PALM2AKAP2: variants seen among roughly 807,000 people sequenced by gnomAD.
The protein encoded by PALM2AKAP2 is PALM2-AKAP2 fusion protein.
A neutral mutation model predicts 71.5 loss-of-function variants in PALM2AKAP2; 37 were observed. The ratio of observed to expected loss-of-function variants is 0.52; its 90% confidence interval spans 0.40 to 0.68. The LOEUF (loss-of-function observed/expected upper bound fraction) is 0.68, where lower values mean the gene tolerates loss of function less well. Ranked by LOEUF, PALM2AKAP2 falls within the 30% of genes least tolerant of loss-of-function variation. The probability of loss-of-function intolerance (pLI) is 0.00; values close to 1 mark genes in which losing one functional copy is unlikely to be tolerated. For synonymous variants in PALM2AKAP2, 468 were observed against 478.8 expected, an observed-to-expected ratio of 0.98 and a Z score of 0.29; for missense variants, 1,224 against 1,191.8, an observed-to-expected ratio of 1.03 and a Z score of -0.40.
intron 1 of PALM2AKAP2, among the ~76,000 whole-genome samples, chr9:109,695,989 T>G (rs1209684019): frequency 1.3e-5 from 2 of 152,172 alleles, no homozygotes; most frequent in African/African-American, 4.8e-5. Context: ...ATTTATTGTA[T>G]ATTTCCAAAT....
chr9:110,128,461 T>G (rs779053770), intron 1 of PALM2AKAP2, among the ~76,000 whole-genome samples: 12 of 152,256 alleles, frequency 7.9e-5, no homozygotes, highest in South Asian at 2.1e-4. Flanking sequence ...CCTCTGTTCC[T>G]AGGCCAAGAG....
Position 110,094,931 on chromosome 9 carries a change from T to C in PALM2AKAP2, c.157-41196T>C, listed in dbSNP as rs138207526. ...AATTTTTACCTAAGTTATTGTCCAA[T>C]TTTACATTCTGAATGGTGAACTGGG... is the stretch of plus-strand genomic sequence containing the variant. On this transcript the variant is annotated intron_variant, in intron 1 of 3. Coordinates refer to ENST00000374525, the Ensembl canonical transcript of PALM2AKAP2. Among the ~76,000 whole-genome samples, 12 of 152,366 alleles carry C rather than the reference T, an allele frequency of 7.9e-5. No individual in the cohort carries two copies. The East Asian group carries it at 2.3e-3, about 29-fold the overall frequency.
chr9:110,113,486 T>A (rs1226323091), intron 1 of PALM2AKAP2, among the ~76,000 whole-genome samples: 4 of 151,706 alleles, frequency 2.6e-5, no homozygotes, highest in Non-Finnish European at 5.9e-5. Context: ...GACCTTGTGA[T>A]CTGCCCAACT....
rs187192083 is a variant in PALM2AKAP2, at chr9:109,735,523, G to A, written c.6-44965G>A. ...CAGTAACTTTAATCTTCAATGCTAT[G>A]GAATTGGGTAGAAAAAGACTAAATG... is the stretch of plus-strand genomic sequence containing the variant. On this transcript the variant is annotated intron_variant, in intron 1 of 6. Transcript: ENST00000374531. Among the ~76,000 whole-genome samples, 739 of 152,160 alleles carry A rather than the reference G, an allele frequency of 4.9e-3. 7 individuals carry two copies. The highest frequency in any genetic ancestry group is 0.017 in the African/African-American group (709 of 41,494).
intron 1 of PALM2AKAP2, among the ~76,000 whole-genome samples, chr9:109,697,397 G>GT (rs1827987605): frequency 6.6e-6 from 1 of 152,080 alleles, no homozygotes; most frequent in Non-Finnish European, 1.5e-5. Flanking sequence ...GCCAATTGGG[G>GT]TCTATGAAAT....
intron 1 of PALM2AKAP2, among the ~76,000 whole-genome samples, chr9:109,853,304 G>A (rs942352812): frequency 1.3e-5 from 2 of 152,106 alleles, no homozygotes; most frequent in Admixed American, 6.5e-5. Flanking sequence ...GCAATTATCA[G>A]CACCTCTCAT....
At chr9:109,908,338 A>G (rs1205210668) in intron 3 of PALM2AKAP2, among the ~76,000 whole-genome samples, 5 of 152,186 alleles carry the variant, frequency 3.3e-5, no homozygotes, top group Non-Finnish European at 4.4e-5. Flanking sequence ...TTGGATTGGG[A>G]GTGGTTTCAT....
At chr9:110,099,419 C>G (rs1368080954) in intron 1 of PALM2AKAP2, among the ~76,000 whole-genome samples, 5 of 152,202 alleles carry the variant, frequency 3.3e-5, no homozygotes, top group African/African-American at 9.7e-5. Context: ...AAAAATGACT[C>G]AAGTTTCCAG....
At chr9:110,128,577 G>A (rs914164527) in intron 1 of PALM2AKAP2, among the ~76,000 whole-genome samples, 1 of 152,238 alleles carries the variant, frequency 6.6e-6, no homozygotes, top group African/African-American at 2.4e-5. Context: ...GCTTTAGTAG[G>A]AAGTAATCTG....
At chr9:110,161,741 G>A (rs971966513) in intron 3 of PALM2AKAP2, among the ~76,000 whole-genome samples, 7 of 152,120 alleles carry the variant, frequency 4.6e-5, no homozygotes, top group Non-Finnish European at 8.8e-5. Context: ...ACAGACTCTA[G>A]CAAATCCAAA....
intron 6 of PALM2AKAP2, among the ~76,000 whole-genome samples, chr9:109,989,996 C>T (rs574871054): frequency 4.9e-4 from 74 of 151,980 alleles, no homozygotes; most frequent in Admixed American, 1.2e-3. Flanking sequence ...GAAATAATTT[C>T]GGGAATAACA....
intron 1 of PALM2AKAP2, among the ~76,000 whole-genome samples, chr9:109,787,690 A>C (rs184723573): frequency 4.1e-4 from 63 of 152,288 alleles, no homozygotes; most frequent in African/African-American, 1.4e-3. Context: ...TTGTTACATC[A>C]ACTCATTTTC....
chr9:109,899,130 CT>C (rs1830273519), intron 3 of PALM2AKAP2, among the ~76,000 whole-genome samples: 1 of 152,026 alleles, frequency 6.6e-6, no homozygotes, highest in Admixed American at 6.6e-5. Flanking sequence ...CAACTGCCCC[CT>C]AACCATATCC....
chr9:110,065,119 G>A (rs909624385), intron 1 of PALM2AKAP2, among the ~76,000 whole-genome samples: 21 of 152,204 alleles, frequency 1.4e-4, no homozygotes, highest in African/African-American at 3.6e-4. Flanking sequence ...CTGCACTTCC[G>A]TGACAGCAGC....
intron 1 of PALM2AKAP2, among the ~76,000 whole-genome samples, chr9:109,838,613 A>G (rs1828555533): frequency 6.6e-6 from 1 of 152,210 alleles, no homozygotes; most frequent in African/African-American, 2.4e-5. Context: ...AAGATCAACA[A>G]AATTGATAGA....
intron 1 of PALM2AKAP2, among the ~76,000 whole-genome samples, chr9:109,863,416 G>A (rs1829366192): frequency 6.6e-6 from 1 of 152,202 alleles, no homozygotes; most frequent in Non-Finnish European, 1.5e-5. Context: ...AGAAGGAACA[G>A]GTGTGAAGGT....
intron 1 of PALM2AKAP2, among the ~76,000 whole-genome samples, chr9:109,658,534 A>G (rs1827342679): frequency 6.6e-6 from 1 of 152,234 alleles, no homozygotes; most frequent in Non-Finnish European, 1.5e-5. Flanking sequence ...AACTAGAAAT[A>G]GAAGAAAGTT....
chr9:109,812,259 A>G lies in PALM2AKAP2; in HGVS notation c.45+31726A>G, dbSNP rs562526211. On this transcript the variant is annotated intron_variant, in intron 1 of 9. Transcript: ENST00000302798. Reference sequence around the variant, plus strand: ...AGAAGGGAGGAGGCAGCTTACAGACAGAACCATGAGGGAGGGACAACATGG... The same window carrying G: ...AGAAGGGAGGAGGCAGCTTACAGACGGAACCATGAGGGAGGGACAACATGG... 4.6e-5 allele frequency among the ~76,000 whole-genome samples: 7 copies of G among 152,264 alleles called. No individual in the cohort carries two copies. In the South Asian group the frequency reaches 1.5e-3, roughly 32 times the overall value.
At chr9:109,733,743 C>A (rs900793118) in intron 1 of PALM2AKAP2, among the ~76,000 whole-genome samples, 3 of 152,174 alleles carry the variant, frequency 2.0e-5, no homozygotes, top group African/African-American at 7.2e-5. Flanking sequence ...TTGGGGGAAT[C>A]AATCTGAAAA....
Sources: gnomAD v4.1 joint callset for allele counts (sites outside exome capture counted in the v4.1 genomes callset) on GRCh38, gnomAD v4.1.1 for gene constraint, MANE v1.5 for transcripts, NCBI Gene and HGNC (gene_info 2026-07-23, HGNC 2026-07-21) for gene names.